The following ATRN variants were observed in gnomAD, a reference collection of about 807,000 sequenced individuals.
ATRN encodes attractin-2.
A neutral mutation model predicts 178.7 loss-of-function variants in ATRN; 54 were observed. That is an observed-to-expected ratio of 0.30 (90% CI 0.24 to 0.38). ATRN has a LOEUF of 0.38. Ranked by LOEUF, ATRN falls within the 10% of genes least tolerant of loss-of-function variation. The probability of loss-of-function intolerance (pLI) is 1.00; values close to 1 mark genes in which losing one functional copy is unlikely to be tolerated. For synonymous variants in ATRN, 636 were observed against 663.0 expected, an observed-to-expected ratio of 0.96 and a Z score of 0.63; for missense variants, 1,443 against 1,815.1, an observed-to-expected ratio of 0.79 and a Z score of 3.73.
At chr20:3,490,318 G>C in intron 1 of ATRN, 1 of 1,019,366 alleles carries the variant, frequency 9.8e-7, no homozygotes, top group South Asian at 1.3e-5. Context: ...TCAGAGCGCT[G>C]CTTGTCTCTT....
intron 1 of ATRN, among the ~76,000 whole-genome samples, chr20:3,506,789 T>C (rs1319381455): frequency 6.6e-6 from 1 of 152,012 alleles, no homozygotes; most frequent in Non-Finnish European, 1.5e-5. Flanking sequence ...TTTATTAGAA[T>C]GATCAGAAAT....
chr20:3,476,180 G>T (rs2084527478), intron 1 of ATRN, among the ~76,000 whole-genome samples: 1 of 152,204 alleles, frequency 6.6e-6, no homozygotes, highest in Non-Finnish European at 1.5e-5. Flanking sequence ...TATGTATATA[G>T]TGCCAACTGC....
At chr20:3,478,794 T>C (rs2084571102) in intron 1 of ATRN, among the ~76,000 whole-genome samples, 1 of 152,130 alleles carries the variant, frequency 6.6e-6, no homozygotes, top group South Asian at 2.1e-4. Flanking sequence ...AACCAAATCT[T>C]TCTACTTCGT....
chr20:3,539,831 G>A (rs1188868163), intron 2 of ATRN, among the ~76,000 whole-genome samples: 1 of 151,778 alleles, frequency 6.6e-6, no homozygotes, highest in Non-Finnish European at 1.5e-5. Flanking sequence ...GCTTTTGCCA[G>A]CCAGTGTCCT....
At chr20:3,493,317 G>A (rs888344658) in intron 1 of ATRN, among the ~76,000 whole-genome samples, 1 of 146,802 alleles carries the variant, frequency 6.8e-6, no homozygotes, top group Non-Finnish European at 1.5e-5. Context: ...TACCACACCT[G>A]GCTAAATTTT....
At chr20:3,619,532 A>ATTCAAGT (rs1486108149) in intron 24 of ATRN, among the ~76,000 whole-genome samples, 1 of 152,230 alleles carries the variant, frequency 6.6e-6, no homozygotes, top group African/African-American at 2.4e-5. Flanking sequence ...TCATCCATTT[A>ATTCAAGT]TTCAAGTTTT....
In ATRN at chr20:3,564,297, A is replaced by G. The variant is rs1475462840; in HGVS notation, c.1786+934A>G. On this transcript the variant is annotated intron_variant, in intron 10 of 28. Transcript: ENST00000262919. ...AGCACCTCTGAGTACCCTTTAAGTCATGGAGGGTAGAGTGATAAACAGGGA... is the reference window on the plus strand; with the variant it reads ...AGCACCTCTGAGTACCCTTTAAGTCGTGGAGGGTAGAGTGATAAACAGGGA... Among the ~76,000 whole-genome samples, 8 of 152,328 alleles carry G rather than the reference A, an allele frequency of 5.3e-5. No homozygotes were observed. In the East Asian group the frequency reaches 1.3e-3, roughly 26 times the overall value.
At chr20:3,559,995 T>C (rs959874514) in intron 7 of ATRN, among the ~76,000 whole-genome samples, 2 of 152,170 alleles carry the variant, frequency 1.3e-5, no homozygotes. Context: ...AGTAACTCAC[T>C]GAAAGGCGCC....
intron 1 of ATRN, among the ~76,000 whole-genome samples, chr20:3,509,521 G>A (rs238693): frequency 0.27 from 39,818 of 149,414 alleles, 5,834 homozygotes; most frequent in African/African-American, 0.33. Flanking sequence ...TTTGGAGACA[G>A]GAGTCTTGCT....
intron 8 of ATRN, among the ~76,000 whole-genome samples, 155 bp from the exon 9 acceptor site, chr20:3,562,121 T>A (rs2085960982): frequency 6.6e-6 from 1 of 152,226 alleles, no homozygotes; most frequent in Non-Finnish European, 1.5e-5. Context: ...GGCTTTGTTA[T>A]AAGTTTTAGG....
At chr20:3,604,387 A>T in intron 24 of ATRN, 125 bp downstream of exon 24, 1 of 1,119,798 alleles carries the variant, frequency 8.9e-7, no homozygotes, top group South Asian at 1.6e-5. Flanking sequence ...TGTAACGTGT[A>T]TGGCAGAGGA....
rs76980512 is a variant in ATRN, at chr20:3,547,514, T to G, written c.943+25T>G. 1.0e-4 allele frequency: 162 copies of G among 1,549,882 alleles called. No individual in the cohort carries two copies. In the East Asian group the frequency reaches 3.0e-3, roughly 29 times the overall value. ...GGTAGGAGCTTCTTTCATTTTTATT[T>G]TTTCTTCCATTTATAGAACATTCCC... On this transcript the variant is annotated intron_variant, in intron 5 of 28. Transcript: ENST00000262919.
At position 3,499,531 on chromosome 20, in the gene ATRN, A is replaced by G. The variant is rs936586769; in HGVS notation, c.410+28014A>G. On this transcript the variant is annotated intron_variant, in intron 1 of 28. Transcript: ENST00000262919. Reference sequence around the variant, plus strand: ...ACAGAGCCCTCAGAAATAACACCTCATATCTACAACTATCTGATCTTTGAC... The same window carrying G: ...ACAGAGCCCTCAGAAATAACACCTCGTATCTACAACTATCTGATCTTTGAC... 4.3e-4 allele frequency among the ~76,000 whole-genome samples: 66 copies of G among 151,892 alleles called. No individual in the cohort carries two copies. In the East Asian group the frequency reaches 9.8e-3, roughly 23 times the overall value.
Position 3,471,033 on chromosome 20 carries a change from A to G in ATRN, c.-75A>G. The G allele has an allele frequency of 2.2e-6, 3 of 1,383,328 alleles. No individual in the cohort carries two copies. Among genetic ancestry groups the G allele is most frequent in the Non-Finnish European group, 2.8e-6 (3 of 1,069,626 alleles). 85.7% of individuals were successfully genotyped at this position (1,383,328 alleles called of 1,614,324 possible). A position where few individuals can be genotyped will look rare whatever the true frequency, so the allele number is the denominator to read the frequency against. ...CACCGTCCGCACAGCCCCGCCCCGCACGGCCAGGCGAAGCGGAGCCGGCCG... is the reference window on the plus strand; with the variant it reads ...CACCGTCCGCACAGCCCCGCCCCGCGCGGCCAGGCGAAGCGGAGCCGGCCG... On this transcript the variant is annotated 5_prime_UTR_variant, in exon 1 of 29. Transcript: ENST00000262919.
At chr20:3,525,290 A>G (rs1378666240) in intron 1 of ATRN, among the ~76,000 whole-genome samples, 2 of 152,236 alleles carry the variant, frequency 1.3e-5, no homozygotes, top group Non-Finnish European at 2.9e-5. Flanking sequence ...AATAAACTAG[A>G]AAATCTAGAA....
At chr20:3,636,109 C>T (rs2087023096) in intron 26 of ATRN, among the ~76,000 whole-genome samples, 1 of 152,080 alleles carries the variant, frequency 6.6e-6, no homozygotes, top group Admixed American at 6.6e-5. Context: ...GCCTGTTCCT[C>T]CCTGAGTGCT....
chr20:3,526,841 A>G (rs2085371930), intron 1 of ATRN, among the ~76,000 whole-genome samples: 1 of 152,228 alleles, frequency 6.6e-6, no homozygotes, highest in Non-Finnish European at 1.5e-5. Context: ...AGGATTCCCT[A>G]TTTAATAAAT....
At position 3,553,380 on chromosome 20, in the gene ATRN, A is replaced by G. The variant is rs575037223; in HGVS notation, c.1112+4042A>G. On this transcript the variant is annotated intron_variant, in intron 6 of 28. Coordinates refer to ENST00000262919, the MANE Select transcript of ATRN (RefSeq NM_139321.3). The stretch of plus-strand genomic sequence containing the variant: ...CCCTCTCAACTCTGTCACCAAATAC[A>G]TGTCATATTTATTCTTTTTATGTAC... 1.3e-5 allele frequency among the ~76,000 whole-genome samples: 2 copies of G among 152,200 alleles called. 1 individual carries two copies. The highest frequency in any genetic ancestry group is 4.2e-4 in the South Asian group (2 of 4,814).
chr20:3,505,013 C>T (rs926452991), intron 1 of ATRN, among the ~76,000 whole-genome samples: 2 of 151,980 alleles, frequency 1.3e-5, no homozygotes, highest in African/African-American at 2.4e-5. Flanking sequence ...AGCTGGAATC[C>T]GTGATGATTA....
Sources: gnomAD v4.1 joint callset for allele counts (sites outside exome capture counted in the v4.1 genomes callset) on GRCh38, gnomAD v4.1.1 for gene constraint, MANE v1.5 for transcripts, NCBI Gene and HGNC (gene_info 2026-07-23, HGNC 2026-07-21) for gene names.